Variants in PM20D2 observed in about 807,000 individuals in gnomAD.
PM20D2 encodes peptidase M20 domain containing 2, also known as xaa-Arg dipeptidase.
A neutral mutation model predicts 42.9 loss-of-function variants in PM20D2; 33 were observed. That is an observed-to-expected ratio of 0.77 (90% CI 0.58 to 1.03). PM20D2 has a LOEUF of 1.03. PM20D2 is among the 50% of genes least tolerant of loss of function. The pLI, the probability that PM20D2 is intolerant of heterozygous loss-of-function variation, is 0.00. For missense variants in PM20D2, 548 were observed against 557.0 expected, an observed-to-expected ratio of 0.98 and a Z score of 0.16; for synonymous variants, 250 against 228.2, an observed-to-expected ratio of 1.10 and a Z score of -0.86.
At chr6:89,160,051 T>G (rs1262092982) in intron 5 of PM20D2, among the ~76,000 whole-genome samples, 2 of 151,416 alleles carry the variant, frequency 1.3e-5, no homozygotes, top group East Asian at 1.9e-4. Context: ...ATGCAACAGG[T>G]TTTTTTTTGT....
upstream of PM20D2, among the ~76,000 whole-genome samples, chr6:89,142,369 A>C (rs1345590946): frequency 6.6e-6 from 1 of 152,028 alleles, no homozygotes; most frequent in African/African-American, 2.4e-5. Flanking sequence ...TGCTTAGGAG[A>C]ATGTTGTAAA....
In PM20D2 at chr6:89,163,023, T is replaced by A. The variant is rs981974174; in HGVS notation, c.*760T>A. ...CTCAGGTGATGCACCTGCCTCGGCC[T>A]CCTAAAGTGCTGGGATTACAGGCAT... On this transcript the variant is annotated 3_prime_UTR_variant, in exon 7 of 7. Transcript: ENST00000275072. The A allele has an allele frequency of 6.6e-6, 1 of 152,206 alleles. No individual in the cohort carries two copies. Among genetic ancestry groups the A allele is most frequent in the African/African-American group, 2.4e-5 (1 of 41,430 alleles). 9.4% of individuals were successfully genotyped at this position (152,206 alleles called of 1,614,324 possible). A position where few individuals can be genotyped will look rare whatever the true frequency, so the allele number is the denominator to read the frequency against.
the PM20D2 span, among the ~76,000 whole-genome samples, chr6:89,100,917 T>C: frequency 6.6e-6 from 1 of 151,992 alleles, no homozygotes; most frequent in South Asian, 2.1e-4. Context: ...CCAGCCTGAC[T>C]AACATGGTGA....
At chr6:89,155,849 C>CT (rs1242543119) in intron 4 of PM20D2, among the ~76,000 whole-genome samples, 2 of 151,346 alleles carry the variant, frequency 1.3e-5, no homozygotes, top group Non-Finnish European at 2.9e-5. Context: ...GTAGCTGGGA[C>CT]TACAGGCGCT....
At chr6:89,157,399 G>A (rs1436502684) in intron 4 of PM20D2, among the ~76,000 whole-genome samples, 1 of 152,162 alleles carries the variant, frequency 6.6e-6, no homozygotes, top group South Asian at 2.1e-4. Flanking sequence ...AGGGAATATT[G>A]CCAATTTTTA....
the PM20D2 span, chr6:89,117,961 C>A: frequency 6.8e-7 from 1 of 1,469,500 alleles, no homozygotes; most frequent in East Asian, 3.0e-5. Flanking sequence ...CCGCTGCTAC[C>A]ACCACAGGAG....
At chr6:89,134,393 G>T in the PM20D2 span, among the ~76,000 whole-genome samples, 3 of 151,186 alleles carry the variant, frequency 2.0e-5, no homozygotes, top group South Asian at 4.1e-4. Context: ...AAGAGGGTTT[G>T]TGTTTATTTC....
At chr6:89,138,686 G>A in the PM20D2 span, among the ~76,000 whole-genome samples, 2 of 152,042 alleles carry the variant, frequency 1.3e-5, no homozygotes, top group South Asian at 2.1e-4. Context: ...CCAACATGGT[G>A]AAACCCCATC....
At chr6:89,119,261 TA>T in the PM20D2 span, among the ~76,000 whole-genome samples, 3 of 152,142 alleles carry the variant, frequency 2.0e-5, no homozygotes, top group Non-Finnish European at 4.4e-5. Flanking sequence ...ATCACACTGG[TA>T]AAGATACAAA....
upstream of PM20D2, among the ~76,000 whole-genome samples, chr6:89,144,510 C>G (rs542773934): frequency 2.5e-4 from 38 of 152,320 alleles, no homozygotes; most frequent in African/African-American, 8.7e-4. Context: ...GAGGCTGACT[C>G]TGGCTTCTGT....
chr6:89,149,488 C>A, intron 2 of PM20D2, 75 bp downstream of exon 2: 4 of 1,476,450 alleles, frequency 2.7e-6, no homozygotes, highest in Non-Finnish European at 3.7e-6. Flanking sequence ...AAACCAGAGA[C>A]GAAAACTCCA....
the PM20D2 span, chr6:89,105,236 T>G: frequency 6.2e-6 from 10 of 1,611,132 alleles, no homozygotes; most frequent in Non-Finnish European, 8.5e-6. Context: ...AGGATGACGT[T>G]CTTTTGATTT....
At chr6:89,106,748 G>A in the PM20D2 span, 4 of 332,560 alleles carry the variant, frequency 1.2e-5, no homozygotes, top group African/African-American at 6.4e-5. Context: ...CTTTATAAGA[G>A]ACGCAGAACC....
At chr6:89,103,711 T>C in the PM20D2 span, among the ~76,000 whole-genome samples, 123,601 of 151,392 alleles carry the variant, frequency 0.82, 50,985 homozygotes, top group African/African-American at 0.94. Flanking sequence ...CCACCCGCCT[T>C]GGCCTCCCAA....
chr6:89,151,962 C>G (rs1244180288), intron 2 of PM20D2, among the ~76,000 whole-genome samples: 1 of 151,980 alleles, frequency 6.6e-6, no homozygotes, highest in African/African-American at 2.4e-5. Flanking sequence ...TGGAGCACTC[C>G]TGTGGTCTCA....
the PM20D2 span, among the ~76,000 whole-genome samples, chr6:89,124,346 T>TAA: frequency 6.6e-6 from 1 of 152,228 alleles, no homozygotes; most frequent in Non-Finnish European, 1.5e-5. Context: ...GTGTAACATA[T>TAA]AAAACTAAAT....
chr6:89,108,571 T>C, the PM20D2 span, among the ~76,000 whole-genome samples: 13 of 152,204 alleles, frequency 8.5e-5, no homozygotes, highest in African/African-American at 3.1e-4. Context: ...TCATAAAATG[T>C]GGCTCGGGAG....
At chr6:89,102,757 A>G in the PM20D2 span, among the ~76,000 whole-genome samples, 1,313 of 152,032 alleles carry the variant, frequency 8.6e-3, 19 homozygotes, top group African/African-American at 0.029. Flanking sequence ...TAATTTATTT[A>G]TTTATTTGTT....
chr6:89,112,447 CTTT>C, the PM20D2 span, among the ~76,000 whole-genome samples: 11 of 128,832 alleles, frequency 8.5e-5, no homozygotes, highest in Admixed American at 1.5e-4. Flanking sequence ...TCTTTTCTTT[CTTT>C]TTTTTTTTTT....
Sources: gnomAD v4.1 joint callset for allele counts (sites outside exome capture counted in the v4.1 genomes callset) on GRCh38, gnomAD v4.1.1 for gene constraint, MANE v1.5 for transcripts, NCBI Gene and HGNC (gene_info 2026-07-23, HGNC 2026-07-21) for gene names.